The following EPHX2 variants were observed in gnomAD, a reference collection of about 807,000 sequenced individuals.
EPHX2 encodes bifunctional epoxide hydrolase 2.
Under a neutral mutation model 78.7 loss-of-function variants are expected in EPHX2, and 74 were observed. That is an observed-to-expected ratio of 0.94 (90% CI 0.78 to 1.14). EPHX2 has a LOEUF of 1.14. EPHX2 is among the 50% of genes most tolerant of loss of function. EPHX2 has a pLI of 0.00. For missense variants in EPHX2, 715 were observed against 702.5 expected (o/e 1.02, Z -0.20); for synonymous variants, 251 against 255.2 (o/e 0.98, Z 0.16).
chr8:27,498,137 C>T (rs908645724), intron 1 of EPHX2, among the ~76,000 whole-genome samples: 3 of 152,238 alleles, frequency 2.0e-5, no homozygotes, highest in Non-Finnish European at 2.9e-5. Context: ...CATCTGAAAA[C>T]TTCCCCAGGT....
In EPHX2 at chr8:27,522,494, C is replaced by T; in HGVS notation, c.1044C>T (p.Tyr348=). 1.2e-6 allele frequency: 2 copies of T among 1,613,962 alleles called. No individual in the cohort carries two copies. The highest frequency in any genetic ancestry group is 2.2e-5 in the East Asian group (1 of 44,870). Residue 348 remains tyrosine, a synonymous_variant, in exon 11 of 19, where the codon TAC becomes TAT. Transcript: ENST00000521400. The part of the protein sequence containing the change: ...GMLVWYMALF[Y]PERVRAVASL... The stretch of plus-strand genomic sequence containing the variant: ...TGGTGTGGTACATGGCTCTCTTCTA[C>T]CCCGAGAGAGTGAGGTAATTGGGCC...
At chr8:27,541,179 C>T (rs539367986) in intron 15 of EPHX2, among the ~76,000 whole-genome samples, 19 of 152,242 alleles carry the variant, frequency 1.2e-4, no homozygotes, top group Middle Eastern at 3.4e-3. Flanking sequence ...CAAGGTGACA[C>T]GATGACATTC....
intron 8 of EPHX2, 123 bp from the exon 9 acceptor site, chr8:27,517,915 G>GT: frequency 1.3e-6 from 1 of 741,194 alleles, no homozygotes; most frequent in African/African-American, 1.8e-5. Flanking sequence ...GATTTAGTAA[G>GT]TTTTTGTGGG....
downstream of EPHX2, among the ~76,000 whole-genome samples, chr8:27,546,133 A>G (rs938286052): frequency 6.6e-6 from 1 of 151,654 alleles, no homozygotes; most frequent in African/African-American, 2.4e-5. Context: ...CGACTCAAAA[A>G]AAAAAAAAAA....
In EPHX2 at chr8:27,504,992, A is replaced by G; in HGVS notation, c.383A>G (p.Asp128Gly). The change falls in exon 4 of 19, where the codon GAC (aspartate) becomes GGC (glycine). Residue 128 changes from aspartate to glycine, a missense_variant. Transcript: ENST00000521400. ...TTAILTNTWL[D>G]DRAERDGLAQ... ...GCCATCCTCACCAACACCTGGCTGG[A>G]CGACCGTGCTGAGAGAGATGGCCTG... 1 of 1,614,086 alleles carries G rather than the reference A, an allele frequency of 6.2e-7. No individual in the cohort carries two copies. Among genetic ancestry groups the G allele is most frequent in the South Asian group, 1.1e-5 (1 of 91,076 alleles).
chr8:27,535,703 T>A (rs6558004), intron 12 of EPHX2, among the ~76,000 whole-genome samples: 1 of 151,872 alleles, frequency 6.6e-6, no homozygotes, highest in African/African-American at 2.4e-5. Flanking sequence ...TTCCAGCCAT[T>A]CCCCTGTTCT....
chr8:27,540,557 G>A lies in EPHX2; in HGVS notation c.1280G>A (p.Gly427Glu). The A allele has an allele frequency of 1.2e-6, 2 of 1,614,078 alleles. No individual in the cohort carries two copies. The highest frequency in any genetic ancestry group is 1.7e-6 in the Non-Finnish European group (2 of 1,179,972). ...CAACAAGTGGCTTTTTTTGCAGGAGGACTTTTTGTAAATAGCCCAGAAGAG... is the reference window on the plus strand; with the variant it reads ...CAACAAGTGGCTTTTTTTGCAGGAGAACTTTTTGTAAATAGCCCAGAAGAG... ...LSMHKVCEAG[G>E]LFVNSPEEPS... Residue 427 changes from glycine (G) to glutamate (E), a missense_variant, in exon 15 of 19, where the codon GGA becomes GAA. Transcript: ENST00000521400.
At chr8:27,527,828 T>G (rs1342271037) in intron 12 of EPHX2, among the ~76,000 whole-genome samples, 1 of 152,182 alleles carries the variant, frequency 6.6e-6, no homozygotes, top group Non-Finnish European at 1.5e-5. Flanking sequence ...TTTGAGCTCT[T>G]ATGTGCCACG....
At chr8:27,532,369 G>A (rs1419965793) in intron 12 of EPHX2, among the ~76,000 whole-genome samples, 2 of 152,190 alleles carry the variant, frequency 1.3e-5, no homozygotes, top group Non-Finnish European at 2.9e-5. Flanking sequence ...AGGTAAGACC[G>A]TATCTTTAAA....
chr8:27,518,593 C>G (rs1485845068), intron 9 of EPHX2, among the ~76,000 whole-genome samples: 2 of 152,184 alleles, frequency 1.3e-5, no homozygotes, highest in Admixed American at 1.3e-4. Flanking sequence ...CCACGCAGCT[C>G]AGGAGCAAAA....
chr8:27,541,399 AG>A, intron 15 of EPHX2, 73 bp from the exon 16 acceptor site: 1 of 1,463,586 alleles, frequency 6.8e-7, no homozygotes, highest in South Asian at 1.1e-5. Flanking sequence ...TGTGCAGAGC[AG>A]GTTTCTGCTG....
chr8:27,493,683 CAG>C, intron 1 of EPHX2, among the ~76,000 whole-genome samples: 1 of 144,186 alleles, frequency 6.9e-6, no homozygotes, highest in African/African-American at 2.9e-5. Flanking sequence ...GGAGAAGGTG[CAG>C]GTGCCTGTCC....
At chr8:27,533,782 G>A (rs1189242095) in intron 12 of EPHX2, among the ~76,000 whole-genome samples, 2 of 151,952 alleles carry the variant, frequency 1.3e-5, no homozygotes, top group African/African-American at 4.8e-5. Flanking sequence ...GTAGAGTCAG[G>A]GTCTCTACTG....
intron 6 of EPHX2, 184 bp downstream of exon 6, chr8:27,512,094 T>C (rs1219660582): frequency 1.8e-5 from 6 of 337,362 alleles, no homozygotes; most frequent in African/African-American, 1.2e-4. Context: ...TGAAACCCTG[T>C]CTCAAGAAAA....
At position 27,515,786 on chromosome 8, in the gene EPHX2, C is replaced by G. The variant is rs148368276; in HGVS notation, c.804C>G (p.Pro268=). The change falls in exon 7 of 19, where the codon CCC becomes CCG. Residue 268 remains proline (P), a synonymous_variant. Coordinates refer to ENST00000521400, the MANE Select transcript of EPHX2 (RefSeq NM_001979.6). ...CTGTGTGCCTCTGCCATGGATTTCC[C>G]GAGAGTTGGTATTCTTGGAGGTACC... The part of the protein sequence containing the change: ...GPAVCLCHGF[P]ESWYSWRYQI... The G allele has an allele frequency of 3.1e-6, 5 of 1,614,014 alleles. No individual in the cohort carries two copies. Among genetic ancestry groups the G allele is most frequent in the South Asian group, 1.1e-5 (1 of 91,084 alleles).
Position 27,544,552 on chromosome 8 carries a change from G to T in EPHX2, c.*30G>T, listed in dbSNP as rs1815525132. ...CAGCGTGTGCCCACGCTCAGCAGGT[G>T]TGCCATCCTTCCACCTGCTGGGGCA... is the stretch of plus-strand genomic sequence containing the variant. On this transcript the variant is annotated 3_prime_UTR_variant, in exon 19 of 19. Transcript: ENST00000521400. 6.2e-7 allele frequency: 1 copy of T among 1,611,840 alleles called. No individual in the cohort carries two copies.
chr8:27,493,336 A>C (rs1813454913), intron 1 of EPHX2, among the ~76,000 whole-genome samples: 1 of 152,208 alleles, frequency 6.6e-6, no homozygotes. Context: ...TTTAAAAACA[A>C]CACTCCTCCC....
rs1009493070 is a variant in EPHX2 at position 27,534,253 on chromosome 8, C to T, written c.1171-2531C>T. On this transcript the variant is annotated intron_variant, in intron 12 of 18. Transcript: ENST00000521400. ...AGACATAGCTTTCATCAGAAAATCT[C>T]CAACCCTAGATCCAGCACCGCCAGA... 7.2e-5 allele frequency among the ~76,000 whole-genome samples: 11 copies of T among 152,202 alleles called. No individual in the cohort carries two copies. The East Asian group carries it at 1.3e-3, about 19-fold the overall frequency.
At chr8:27,521,391 T>C (rs986276257) in intron 10 of EPHX2, among the ~76,000 whole-genome samples, 30 of 152,104 alleles carry the variant, frequency 2.0e-4, no homozygotes, top group African/African-American at 6.5e-4. Flanking sequence ...GACTGCATGG[T>C]ATAACAGCGT....
Sources: gnomAD v4.1 joint callset for allele counts (sites outside exome capture counted in the v4.1 genomes callset) on GRCh38, gnomAD v4.1.1 for gene constraint, MANE v1.5 for transcripts, NCBI Gene and HGNC (gene_info 2026-07-23, HGNC 2026-07-21) for gene names.